KCNK2: variants seen among roughly 807,000 people sequenced by gnomAD.
The protein encoded by KCNK2 is potassium channel subfamily K member 2.
A neutral mutation model predicts 40.5 loss-of-function variants in KCNK2; 21 were observed. The ratio of observed to expected loss-of-function variants is 0.52; its 90% CI spans 0.37 to 0.75. The LOEUF (loss-of-function observed/expected upper bound fraction) is 0.75, where lower values mean the gene tolerates loss of function less well. KCNK2 is among the 30% of genes least tolerant of loss of function. KCNK2 has a pLI of 0.00. For synonymous variants in KCNK2, 191 were observed against 202.2 expected, an observed-to-expected ratio of 0.94 and a Z score of 0.47; for missense variants, 399 against 531.6, an observed-to-expected ratio of 0.75 and a Z score of 2.45.
At chr1:215,106,075 GA>G (rs1287205484) in intron 2 of KCNK2, among the ~76,000 whole-genome samples, 5 of 152,016 alleles carry the variant, frequency 3.3e-5, no homozygotes, top group Admixed American at 6.6e-5. Flanking sequence ...CTTTTTGGTA[GA>G]ATGATTATTT....
intron 6 of KCNK2, among the ~76,000 whole-genome samples, chr1:215,205,011 C>T (rs894773021): frequency 5.3e-5 from 8 of 152,116 alleles, no homozygotes; most frequent in African/African-American, 1.9e-4. Flanking sequence ...TATATGTGTG[C>T]CCATGTGTGC....
chr1:215,042,069 A>G (rs559340755), intron 1 of KCNK2, among the ~76,000 whole-genome samples: 6 of 152,154 alleles, frequency 3.9e-5, no homozygotes, highest in Non-Finnish European at 8.8e-5. Context: ...AAAATAACAC[A>G]GGAAAAACCT....
At chr1:215,164,883 A>G (rs1413191377) in intron 3 of KCNK2, among the ~76,000 whole-genome samples, 2 of 152,180 alleles carry the variant, frequency 1.3e-5, no homozygotes, top group African/African-American at 4.8e-5. Flanking sequence ...TCATAGCTGC[A>G]GCCCTAGTGC....
chr1:215,168,627 C>T (rs562621683), intron 3 of KCNK2, among the ~76,000 whole-genome samples: 1 of 152,264 alleles, frequency 6.6e-6, no homozygotes, highest in African/African-American at 2.4e-5. Context: ...ACCACATGTT[C>T]TCGCTCATAA....
chr1:215,041,288 C>G (rs1657552812), intron 1 of KCNK2, among the ~76,000 whole-genome samples: 1 of 152,128 alleles, frequency 6.6e-6, no homozygotes, highest in African/African-American at 2.4e-5. Context: ...ATAATAAAAG[C>G]CACTTCCAGA....
At chr1:215,083,552 G>T in intron 1 of KCNK2, 121 bp downstream of exon 1, 1 of 757,386 alleles carries the variant, frequency 1.3e-6, no homozygotes. Context: ...TTCGCTTCGC[G>T]TCCAAAGTGT....
chr1:215,206,967 T>C (rs933277050), intron 6 of KCNK2, among the ~76,000 whole-genome samples: 1 of 152,206 alleles, frequency 6.6e-6, no homozygotes, highest in African/African-American at 2.4e-5. Flanking sequence ...GAATTTCCTC[T>C]TGGCCATTTC....
chr1:215,043,891 C>T (rs1330711577), intron 1 of KCNK2, among the ~76,000 whole-genome samples: 1 of 152,054 alleles, frequency 6.6e-6, no homozygotes, highest in Non-Finnish European at 1.5e-5. Flanking sequence ...GACTTAGCAG[C>T]ATTAACGACA....
intron 1 of KCNK2, among the ~76,000 whole-genome samples, chr1:215,022,136 T>TATCTATC (rs1656826431): frequency 6.6e-6 from 1 of 151,058 alleles, no homozygotes; most frequent in Non-Finnish European, 1.5e-5. Flanking sequence ...TCTAATCATC[T>TATCTATC]ATCTATCTAA....
chr1:215,195,554 A>C (rs1035864833), intron 6 of KCNK2, among the ~76,000 whole-genome samples: 1 of 152,094 alleles, frequency 6.6e-6, no homozygotes. Context: ...ATTTGTACGT[A>C]CACATGTATA....
chr1:215,199,243 A>C (rs769896254), intron 6 of KCNK2, among the ~76,000 whole-genome samples: 5 of 152,110 alleles, frequency 3.3e-5, no homozygotes, highest in Non-Finnish European at 7.4e-5. Context: ...GGGGAGGCAG[A>C]GGTTCCAGTG....
rs1175493441 is a variant in KCNK2 at position 215,194,953 on chromosome 1, G to A, written c.824G>A (p.Gly275Asp). 2 of 1,612,804 alleles carry A rather than the reference G, an allele frequency of 1.2e-6. No homozygotes were observed. Among genetic ancestry groups the A allele is most frequent in the Non-Finnish European group, 1.7e-6 (2 of 1,179,208 alleles). ...TTIGFGDYVA[G>D]GSDIEYLDFY... Reference sequence around the variant, plus strand: ...TTGTTTTACTTTGTTTTGTCTCCAGGTGGATCCGATATTGAATATCTGGAC... The same window carrying A: ...TTGTTTTACTTTGTTTTGTCTCCAGATGGATCCGATATTGAATATCTGGAC... Residue 275 changes from glycine (G) to aspartate (D), a missense_variant and splice_region_variant, in exon 6 of 7, where the codon GGT becomes GAT. Gly to Asp is a moderately conservative substitution (Grantham distance 94). Coordinates refer to ENST00000444842, the MANE Select transcript of KCNK2 (RefSeq NM_001017425.3).
chr1:215,058,178 C>T (rs1478851932), intron 1 of KCNK2, among the ~76,000 whole-genome samples: 2 of 152,140 alleles, frequency 1.3e-5, no homozygotes, highest in Admixed American at 6.5e-5. Context: ...CTGTCCTTCT[C>T]ACAGCCATGC....
intron 3 of KCNK2, among the ~76,000 whole-genome samples, chr1:215,164,472 T>G (rs908315762): frequency 2.6e-5 from 4 of 152,148 alleles, no homozygotes; most frequent in Admixed American, 6.6e-5. Context: ...TGAATGTGTT[T>G]GCTCTTGCTT....
chr1:215,147,129 C>T (rs1421357265), intron 3 of KCNK2, among the ~76,000 whole-genome samples: 3 of 152,126 alleles, frequency 2.0e-5, no homozygotes, highest in African/African-American at 7.2e-5. Context: ...TAAGACTCCT[C>T]ATTTGTATGG....
intron 1 of KCNK2, among the ~76,000 whole-genome samples, chr1:215,060,309 A>T (rs1039993641): frequency 2.0e-5 from 3 of 152,206 alleles, no homozygotes; most frequent in Non-Finnish European, 4.4e-5. Flanking sequence ...GACCAGGCTG[A>T]TACTTCAGAG....
intron 6 of KCNK2, among the ~76,000 whole-genome samples, chr1:215,196,477 T>C (rs1332212588): frequency 6.6e-6 from 1 of 152,176 alleles, no homozygotes; most frequent in African/African-American, 2.4e-5. Context: ...GATACCATAT[T>C]TCCTAATTGG....
At chr1:215,221,814 A>T (rs1666189071) in intron 6 of KCNK2, among the ~76,000 whole-genome samples, 1 of 152,248 alleles carries the variant, frequency 6.6e-6, no homozygotes, top group Admixed American at 6.5e-5. Context: ...AAGCACACAA[A>T]TTATATTGTT....
intron 2 of KCNK2, among the ~76,000 whole-genome samples, chr1:215,091,148 G>A (rs1659678336): frequency 6.6e-6 from 1 of 152,202 alleles, no homozygotes; most frequent in Admixed American, 6.5e-5. Context: ...TTAATGAGAG[G>A]AAGATACAGA....
Sources: gnomAD v4.1 joint callset for allele counts (sites outside exome capture counted in the v4.1 genomes callset) on GRCh38, gnomAD v4.1.1 for gene constraint, MANE v1.5 for transcripts, NCBI Gene and HGNC (gene_info 2026-07-23, HGNC 2026-07-21) for gene names.